The following HSD17B12 variants were observed in gnomAD, a reference collection of about 807,000 sequenced individuals.
The protein encoded by HSD17B12 is hydroxysteroid 17-beta dehydrogenase 12, also known as very-long-chain 3-oxoacyl-CoA reductase.
In HSD17B12, 32 loss-of-function variants were observed where a neutral mutation model predicts 39.3. The observed-to-expected ratio is 0.81, with a 90% CI of 0.61 to 1.09. HSD17B12 has a LOEUF of 1.09. Ranked by LOEUF, HSD17B12 falls within the 50% of genes least tolerant of loss-of-function variation. The pLI, the probability that HSD17B12 is intolerant of heterozygous loss-of-function variation, is 0.00. For synonymous variants in HSD17B12, 150 were observed against 146.7 expected (o/e 1.02, Z -0.16); for missense variants, 342 against 382.9 (o/e 0.89, Z 0.89).
intron 4 of HSD17B12, among the ~76,000 whole-genome samples, chr11:43,804,111 T>G (rs1950996905): frequency 6.6e-6 from 1 of 152,174 alleles, no homozygotes; most frequent in Admixed American, 6.6e-5. Flanking sequence ...TTTTTTAACT[T>G]TGTGAGATTC....
At chr11:43,722,063 G>A (rs190571217) in intron 1 of HSD17B12, among the ~76,000 whole-genome samples, 9 of 152,252 alleles carry the variant, frequency 5.9e-5, no homozygotes, top group Admixed American at 5.9e-4. Context: ...TATTGAATAT[G>A]GGATATGGGA....
intron 1 of HSD17B12, among the ~76,000 whole-genome samples, chr11:43,683,070 GT>G (rs1229083459): frequency 6.7e-6 from 1 of 149,828 alleles, no homozygotes; most frequent in Admixed American, 6.6e-5. Flanking sequence ...GGGATTACAT[GT>G]GTGAGCCACC....
At chr11:43,672,109 CAT>C in the HSD17B12 span, among the ~76,000 whole-genome samples, 1 of 152,148 alleles carries the variant, frequency 6.6e-6, no homozygotes, top group African/African-American at 2.4e-5. Context: ...AGTGCAGTGG[CAT>C]GATCTCGGCT....
intron 9 of HSD17B12, among the ~76,000 whole-genome samples, chr11:43,840,771 A>G (rs1334649267): frequency 1.3e-5 from 2 of 152,264 alleles, no homozygotes; most frequent in East Asian, 3.9e-4. Context: ...ATCCATTTAC[A>G]TGTTAGTGGG....
At chr11:43,768,544 C>T (rs934189231) in intron 3 of HSD17B12, among the ~76,000 whole-genome samples, 2 of 152,080 alleles carry the variant, frequency 1.3e-5, no homozygotes, top group African/African-American at 4.8e-5. Context: ...TTATATAGCG[C>T]TTAAAGATGG....
chr11:43,784,161 G>T (rs899487839), intron 3 of HSD17B12, among the ~76,000 whole-genome samples: 1 of 152,108 alleles, frequency 6.6e-6, no homozygotes, highest in African/African-American at 2.4e-5. Context: ...CCACATGAAA[G>T]AGTCATGATA....
At chr11:43,784,318 A>C (rs941079107) in intron 3 of HSD17B12, among the ~76,000 whole-genome samples, 151 of 147,772 alleles carry the variant, frequency 1.0e-3, no homozygotes, top group Non-Finnish European at 1.9e-3. Flanking sequence ...TATTATTATT[A>C]TTATTATTAT....
At chr11:43,577,044 T>G in the HSD17B12 span, among the ~76,000 whole-genome samples, 2 of 152,136 alleles carry the variant, frequency 1.3e-5, no homozygotes, top group Non-Finnish European at 2.9e-5. Context: ...TGGATGGGGT[T>G]GGGTAAAGAG....
At chr11:43,564,115 G>C in the HSD17B12 span, among the ~76,000 whole-genome samples, 1 of 152,082 alleles carries the variant, frequency 6.6e-6, no homozygotes, top group African/African-American at 2.4e-5. Context: ...CCAAAGTGCT[G>C]GGATTACAAG....
chr11:43,650,629 A>C, the HSD17B12 span, among the ~76,000 whole-genome samples: 2 of 152,160 alleles, frequency 1.3e-5, no homozygotes, highest in Non-Finnish European at 1.5e-5. Context: ...TAGGTCTCTA[A>C]AGGAGGAAAT....
intron 6 of HSD17B12, among the ~76,000 whole-genome samples, chr11:43,819,204 T>C (rs2135087540): frequency 6.6e-6 from 1 of 152,310 alleles, no homozygotes; most frequent in East Asian, 1.9e-4. Flanking sequence ...TTTAGATCCA[T>C]TAGTATTTTC....
the HSD17B12 span, among the ~76,000 whole-genome samples, chr11:43,582,370 C>G: frequency 3.2e-3 from 485 of 152,220 alleles, 2 homozygotes; most frequent in African/African-American, 0.011. Context: ...CTGTGAGTCC[C>G]CCTCCTCCCC....
At chr11:43,704,777 T>G (rs1406975294) in intron 1 of HSD17B12, among the ~76,000 whole-genome samples, 2 of 152,060 alleles carry the variant, frequency 1.3e-5, no homozygotes, top group Non-Finnish European at 2.9e-5. Context: ...TGTTATTATG[T>G]GAGGATGGGA....
At chr11:43,565,677 G>A in the HSD17B12 span, among the ~76,000 whole-genome samples, 1 of 152,204 alleles carries the variant, frequency 6.6e-6, no homozygotes. Flanking sequence ...CAGTCTTATA[G>A]CTCATTCCCA....
In HSD17B12 at chr11:43,697,483, G is replaced by C. The variant is rs373519524; in HGVS notation, c.160+16496G>C. The stretch of plus-strand genomic sequence containing the variant: ...TTTAATCTGCACATAATGTAATAAG[G>C]TAGATCCTATTAATATCTCTGTTTT... On this transcript the variant is annotated intron_variant, in intron 1 of 10. Transcript: ENST00000278353. 7.9e-5 allele frequency among the ~76,000 whole-genome samples: 12 copies of C among 152,258 alleles called. No individual in the cohort carries two copies. In the East Asian group the frequency reaches 1.7e-3, roughly 22 times the overall value.
At chr11:43,852,402 A>C (rs897639469) in intron 9 of HSD17B12, 2 of 152,132 alleles carry the variant, frequency 1.3e-5, no homozygotes, top group Non-Finnish European at 2.9e-5. Context: ...GACCATCTCT[A>C]CCTCTAGAAG....
chr11:43,628,843 T>C, the HSD17B12 span, among the ~76,000 whole-genome samples: 3,885 of 151,734 alleles, frequency 0.026, 159 homozygotes, highest in African/African-American at 0.089. Context: ...AGCTTAGAGG[T>C]TTATCTATGT....
the HSD17B12 span, among the ~76,000 whole-genome samples, chr11:43,650,587 T>A: frequency 3.3e-5 from 5 of 152,140 alleles, no homozygotes; most frequent in Non-Finnish European, 7.3e-5. Context: ...AGATCTTAAA[T>A]TGTTCCTGGG....
chr11:43,735,841 G>A (rs764911162), intron 1 of HSD17B12, among the ~76,000 whole-genome samples: 17 of 152,150 alleles, frequency 1.1e-4, no homozygotes, highest in Non-Finnish European at 1.9e-4. Context: ...AGATGAAGGG[G>A]AAGCAAGGCA....
Sources: gnomAD v4.1 joint callset for allele counts (sites outside exome capture counted in the v4.1 genomes callset) on GRCh38, gnomAD v4.1.1 for gene constraint, MANE v1.5 for transcripts, NCBI Gene and HGNC (gene_info 2026-07-23, HGNC 2026-07-21) for gene names.